The following OR7A5 variants were observed in gnomAD, a reference collection of about 807,000 sequenced individuals.
The protein encoded by OR7A5 is olfactory receptor 7A5.
For synonymous variants in OR7A5, 140 were observed against 146.7 expected (o/e 0.95, Z 0.33); for missense variants, 319 against 377.9 (o/e 0.84, Z 1.29).
chr19:14,828,356 C>T (rs934617521), intron 1 of OR7A5, 102 bp from the exon 2 acceptor site: 2 of 1,206,904 alleles, frequency 1.7e-6, no homozygotes, highest in Admixed American at 5.2e-5. Context: ...AATTATCTTA[C>T]ATTTTGTGTA....
rs149403537 is a variant in OR7A5, at chr19:14,827,397, G to T, written c.845C>A (p.Thr282Asn). The T allele has an allele frequency of 1.2e-6, 2 of 1,613,854 alleles. No individual in the cohort carries two copies. Among genetic ancestry groups the T allele is most frequent in the Admixed American group, 1.7e-5 (1 of 59,978 alleles). Residue 282 changes from threonine to asparagine, a missense_variant, in exon 2 of 2, where the codon ACC (threonine) becomes AAC (asparagine). By Grantham distance (65) the Thr-to-Asn change is moderately conservative (BLOSUM62 0). Coordinates refer to ENST00000322301, the MANE Select transcript of OR7A5 (RefSeq NM_017506.2). ...ATAGATAAAGGGGTTCAGCATGGGG[G>T]TGACCACAGTGTACATCACTGAGGC... Reference protein sequence around the residue: ...ATASVMYTVVTPMLNPFIYSL... With the variant: ...ATASVMYTVVNPMLNPFIYSL...
At position 14,827,257 on chromosome 19, in the gene OR7A5, A is replaced by G. The variant is rs150116940; in HGVS notation, c.*25T>C. On this transcript the variant is annotated 3_prime_UTR_variant, in exon 2 of 2. Transcript: ENST00000322301. ...ATCTGATTGAAGAATGACAGTTACTACCTCTGAAGCTTAGAGCCCTGCAAT... is the reference window on the plus strand; with the variant it reads ...ATCTGATTGAAGAATGACAGTTACTGCCTCTGAAGCTTAGAGCCCTGCAAT... The G allele has an allele frequency of 1.4e-4, 209 of 1,506,574 alleles. 1 individual carries two copies. The African/African-American group carries it at 2.6e-3, about 19-fold the overall frequency. 93.3% of individuals were successfully genotyped at this position (1,506,574 alleles called of 1,614,324 possible). A position where few individuals can be genotyped will look rare whatever the true frequency, so the allele number is the denominator to read the frequency against.
At chr19:14,829,236 G>A (rs950149911) in intron 1 of OR7A5, among the ~76,000 whole-genome samples, 24 of 152,174 alleles carry the variant, frequency 1.6e-4, no homozygotes, top group African/African-American at 5.8e-4. Flanking sequence ...ACAGAGTCTC[G>A]CTCTGTTGCC....
In OR7A5 at chr19:14,827,005, C is replaced by T. The variant is rs1336049777; in HGVS notation, c.*277G>A. On this transcript the variant is annotated 3_prime_UTR_variant, in exon 2 of 2. Coordinates refer to ENST00000322301, the MANE Select transcript of OR7A5 (RefSeq NM_017506.2). ...ATGCCACAGGAGACATACAACTCTT[C>T]CCTGTATGAGACAAATGGAAATCTC... 3.7e-6 allele frequency: 1 copy of T among 271,002 alleles called. No homozygotes were observed. The highest frequency in any genetic ancestry group is 2.2e-5 in the African/African-American group (1 of 45,190). 16.8% of individuals were successfully genotyped at this position (271,002 alleles called of 1,614,324 possible).
intron 1 of OR7A5, among the ~76,000 whole-genome samples, chr19:14,832,106 T>C (rs1392502855): frequency 6.6e-6 from 1 of 152,088 alleles, no homozygotes; most frequent in Non-Finnish European, 1.5e-5. Context: ...GACAGGGTCT[T>C]GTTTTGTTGC....
intron 1 of OR7A5, among the ~76,000 whole-genome samples, chr19:14,832,666 C>T (rs2044845161): frequency 1.3e-5 from 2 of 152,008 alleles, no homozygotes; most frequent in South Asian, 4.2e-4. Flanking sequence ...ACCCCGTGAT[C>T]CACCCACCTC....
At chr19:14,831,594 G>A (rs1273617673) in intron 1 of OR7A5, among the ~76,000 whole-genome samples, 17 of 152,092 alleles carry the variant, frequency 1.1e-4, no homozygotes, top group South Asian at 2.1e-4. Context: ...ACAGGTGCCC[G>A]CCACTGTGCC....
Position 14,830,413 on chromosome 19 carries a change from T to A in OR7A5, c.-13-2159A>T, listed in dbSNP as rs115483307. Among the ~76,000 whole-genome samples, 309 of 152,194 alleles carry A rather than the reference T, an allele frequency of 2.0e-3. 1 individual carries two copies. Among genetic ancestry groups the A allele is most frequent in the African/African-American group, 6.8e-3 (284 of 41,502 alleles). ...CCCTCAGCAAAAGGACAAAAATACA[T>A]TGCAAGGGTGCAACGGGTAGGTTAG... On this transcript the variant is annotated intron_variant, in intron 1 of 1. Coordinates refer to ENST00000322301, the MANE Select transcript of OR7A5 (RefSeq NM_017506.2).
Position 14,828,758 on chromosome 19 carries a change from CAAAAAAAAAAAAA to C in OR7A5, c.-13-517_-13-505del, listed in dbSNP as rs58983718. ...CTGGTGACAGAGCGAGACTCCATCT[CAAAAAAAAAAAAA>C]AAAAAAAAAAAAAAAAGAATGAGAA... is the stretch of plus-strand genomic sequence containing the variant. On this transcript the variant is annotated intron_variant, in intron 1 of 1. Coordinates refer to ENST00000322301, the MANE Select transcript of OR7A5 (RefSeq NM_017506.2). 3.1e-4 allele frequency among the ~76,000 whole-genome samples: 11 copies of C among 35,158 alleles called. No homozygotes were observed. In the East Asian group the frequency reaches 5.5e-3, roughly 17 times the overall value. The allele number at this position is 35,158 out of a possible 152,430, so 23.1% of individuals were successfully genotyped here.
chr19:14,830,953 C>T (rs1176043895), intron 1 of OR7A5, among the ~76,000 whole-genome samples: 1 of 152,158 alleles, frequency 6.6e-6, no homozygotes, highest in Non-Finnish European at 1.5e-5. Flanking sequence ...CGCACAAAGC[C>T]CTCTTCAGCT....
chr19:14,827,729 G>A lies in OR7A5; in HGVS notation c.513C>T (p.Ala171=). The change falls in exon 2 of 2, where the codon GCC becomes GCT. Residue 171 remains alanine (A), a synonymous_variant. Coordinates refer to ENST00000322301, the MANE Select transcript of OR7A5 (RefSeq NM_017506.2). ...LMVVRLSFCT[A]LEIPHFFCEL... ...CACAGAAAAAGTGGGGGATTTCTAA[G>A]GCTGTGCAGAAGGACAGCCGTACTA... 6.2e-7 allele frequency: 1 copy of A among 1,614,146 alleles called. No homozygotes were observed. The highest frequency in any genetic ancestry group is 8.5e-7 in the Non-Finnish European group (1 of 1,180,022).
rs2044785022 is a variant in OR7A5 at position 14,827,704 on chromosome 19, C to T, written c.538G>A (p.Glu180Lys). 3.1e-6 allele frequency: 5 copies of T among 1,614,010 alleles called. No homozygotes were observed. Among genetic ancestry groups the T allele is most frequent in the Non-Finnish European group, 4.2e-6 (5 of 1,180,016 alleles). ...GCAAGTTGGATGACCTGATTAAGTT[C>T]ACAGAAAAAGTGGGGGATTTCTAAG... The part of the protein sequence containing the change: ...TALEIPHFFC[E>K]LNQVIQLACS... The change falls in exon 2 of 2, where the codon GAA becomes AAA. Residue 180 changes from glutamate to lysine, a missense_variant. Glu to Lys is a moderately conservative substitution (Grantham distance 56). Transcript: ENST00000322301.
Position 14,827,495 on chromosome 19 carries a change from G to A in OR7A5, c.747C>T (p.Ser249=). 6.2e-7 allele frequency: 1 copy of A among 1,614,124 alleles called. No homozygotes were observed. The highest frequency in any genetic ancestry group is 1.3e-5 in the African/African-American group (1 of 75,022). ...STCASHLSVV[S]LFYGAILGVY... is the part of the protein sequence containing the mutation. ...CCCCTAGGATTGCACCATAAAATAA[G>A]GAGACAACTGAGAGGTGAGATGCAC... The change falls in exon 2 of 2, where the codon TCC becomes TCT. Residue 249 remains serine (S), a synonymous_variant. Transcript: ENST00000322301.
In OR7A5 at chr19:14,828,320, C is replaced by A. The variant is rs1424586540; in HGVS notation, c.-13-66G>T. 3.5e-6 allele frequency: 5 copies of A among 1,412,594 alleles called. No homozygotes were observed. In the Admixed American group the frequency reaches 9.0e-5, roughly 25 times the overall value. The allele number at this position is 1,412,594 out of a possible 1,614,324, so 87.5% of individuals were successfully genotyped here. On this transcript the variant is annotated intron_variant, in intron 1 of 1. Coordinates refer to ENST00000322301, the MANE Select transcript of OR7A5 (RefSeq NM_017506.2). ...ATGCATTGCTAACCTTTCAGAAATA[C>A]CATCATTTATATTTTATAGCCAATA...
At position 14,827,073 on chromosome 19, in the gene OR7A5, T is replaced by C. The variant is rs2044774572; in HGVS notation, c.*209A>G. ...AAAGTCGGAAATAACCTTGAGAAAG[T>C]AGGAAAACAACAAAGAGAAAAAACT... On this transcript the variant is annotated 3_prime_UTR_variant, in exon 2 of 2. Coordinates refer to ENST00000322301, the MANE Select transcript of OR7A5 (RefSeq NM_017506.2). 2.4e-6 allele frequency: 1 copy of C among 423,970 alleles called. No homozygotes were observed. Among genetic ancestry groups the C allele is most frequent in the Admixed American group, 4.0e-5 (1 of 24,824 alleles). 26.3% of individuals were successfully genotyped at this position (423,970 alleles called of 1,614,324 possible). A position where few individuals can be genotyped will look rare whatever the true frequency, so the allele number is the denominator to read the frequency against.
intron 1 of OR7A5, among the ~76,000 whole-genome samples, chr19:14,829,951 C>A (rs956230493): frequency 6.6e-6 from 1 of 152,208 alleles, no homozygotes; most frequent in East Asian, 1.9e-4. Context: ...CAGCTTCAAC[C>A]ACCCAGGCTC....
At chr19:14,828,288 GAC>G in intron 1 of OR7A5, 34 bp from the exon 2 acceptor site, 1 of 1,560,368 alleles carries the variant, frequency 6.4e-7, no homozygotes, top group Non-Finnish European at 8.7e-7. Flanking sequence ...AGGGAAACGA[GAC>G]AGGCATGCAT....
chr19:14,829,367 C>G (rs1049854539), intron 1 of OR7A5, among the ~76,000 whole-genome samples: 1 of 152,190 alleles, frequency 6.6e-6, no homozygotes, highest in African/African-American at 2.4e-5. Flanking sequence ...CCACGCCCAG[C>G]TAATTTTGTA....
chr19:14,830,192 T>C (rs1329287618), intron 1 of OR7A5, among the ~76,000 whole-genome samples: 1 of 152,222 alleles, frequency 6.6e-6, no homozygotes, highest in Non-Finnish European at 1.5e-5. Context: ...CAGATTCTTT[T>C]TTCCCTACAG....
Sources: allele counts gnomAD v4.1 joint callset (sites outside exome capture counted in the v4.1 genomes callset), GRCh38; gene constraint gnomAD v4.1.1; transcripts MANE v1.5; gene names NCBI Gene and HGNC (gene_info 2026-07-23, HGNC 2026-07-21).